Variants in PLCL1 observed in about 807,000 individuals in gnomAD.
PLCL1 encodes the protein inactive phospholipase C-like protein 1.
In PLCL1, 41 loss-of-function variants were observed where a neutral mutation model predicts 84.4. That is an observed-to-expected ratio of 0.49 (90% confidence interval 0.38 to 0.63). The LOEUF (loss-of-function observed/expected upper bound fraction) is 0.63, where lower values mean the gene tolerates loss of function less well. PLCL1 is among the 30% of genes least tolerant of loss of function. The probability of loss-of-function intolerance (pLI) is 0.00; values close to 1 mark genes in which losing one functional copy is unlikely to be tolerated. For missense variants in PLCL1, 1,206 were observed against 1,367.8 expected (o/e 0.88, Z 1.87); for synonymous variants, 490 against 488.3 (o/e 1.00, Z -0.05).
At chr2:198,094,505 TCC>T (rs34344108) in intron 3 of PLCL1, among the ~76,000 whole-genome samples, 1 of 133,868 alleles carries the variant, frequency 7.5e-6, no homozygotes, top group Admixed American at 7.4e-5. Flanking sequence ...AGGCACACTC[TCC>T]CCTGTCTTAG....
At chr2:197,890,326 G>A (rs546129300) in intron 1 of PLCL1, among the ~76,000 whole-genome samples, 208 of 152,234 alleles carry the variant, frequency 1.4e-3, no homozygotes, top group Middle Eastern at 6.8e-3. Context: ...AGGAACAGTT[G>A]TGAGAGCCAG....
At chr2:197,910,480 T>C (rs1242168273) in intron 1 of PLCL1, among the ~76,000 whole-genome samples, 1 of 152,238 alleles carries the variant, frequency 6.6e-6, no homozygotes, top group African/African-American at 2.4e-5. Flanking sequence ...CTCCTTTTCT[T>C]GCCCTTTCAG....
At chr2:197,830,780 G>A (rs142375250) in intron 1 of PLCL1, among the ~76,000 whole-genome samples, 358 of 152,198 alleles carry the variant, frequency 2.4e-3, no homozygotes, top group African/African-American at 7.9e-3. Flanking sequence ...GAGAAAGATC[G>A]GGTTACCCAC....
At chr2:197,841,998 G>A (rs1045806787) in intron 1 of PLCL1, among the ~76,000 whole-genome samples, 1 of 152,072 alleles carries the variant, frequency 6.6e-6, no homozygotes, top group Non-Finnish European at 1.5e-5. Context: ...TGCTCAGAAG[G>A]TTTTAGCCTA....
chr2:197,843,923 C>T (rs540969265), intron 1 of PLCL1, among the ~76,000 whole-genome samples: 12 of 152,104 alleles, frequency 7.9e-5, no homozygotes, highest in Non-Finnish European at 1.0e-4. Context: ...CCAGGCAGTG[C>T]GGCACCATAT....
intron 5 of PLCL1, among the ~76,000 whole-genome samples, chr2:198,114,372 A>G (rs947541035): frequency 6.6e-6 from 1 of 151,802 alleles, no homozygotes; most frequent in Non-Finnish European, 1.5e-5. Context: ...TTTCAGATGA[A>G]AGCTGCATTT....
At chr2:198,103,980 C>A in intron 5 of PLCL1, 44 bp downstream of exon 5, 1 of 878,042 alleles carries the variant, frequency 1.1e-6, no homozygotes, top group Non-Finnish European at 1.8e-6. Flanking sequence ...TACTTTTCTT[C>A]TCCTCATCTC....
At chr2:198,098,141 G>C (rs1226089845) in intron 3 of PLCL1, among the ~76,000 whole-genome samples, 1 of 152,106 alleles carries the variant, frequency 6.6e-6, no homozygotes, top group Non-Finnish European at 1.5e-5. Context: ...TGCTTAGAAG[G>C]AAAGTAAGAG....
intron 1 of PLCL1, among the ~76,000 whole-genome samples, chr2:197,887,823 G>A (rs1374402759): frequency 6.6e-6 from 1 of 152,064 alleles, no homozygotes; most frequent in African/African-American, 2.4e-5. Context: ...AATAAGATAG[G>A]GAAAAGGCCT....
At chr2:198,143,208 C>T (rs896086078) in intron 5 of PLCL1, among the ~76,000 whole-genome samples, 1 of 152,088 alleles carries the variant, frequency 6.6e-6, no homozygotes, top group African/African-American at 2.4e-5. Flanking sequence ...ACTGGATCAA[C>T]CTCAGATCAA....
chr2:198,121,875 T>C (rs1205835898), intron 5 of PLCL1, among the ~76,000 whole-genome samples: 1 of 152,004 alleles, frequency 6.6e-6, no homozygotes, highest in Non-Finnish European at 1.5e-5. Flanking sequence ...TCTTTATTTT[T>C]CTCCTCCTTC....
At chr2:197,994,831 CT>C (rs1465627670) in intron 1 of PLCL1, among the ~76,000 whole-genome samples, 1 of 152,162 alleles carries the variant, frequency 6.6e-6, no homozygotes, top group Middle Eastern at 3.2e-3. Flanking sequence ...GAATAAACCT[CT>C]AGCCATTTTC....
chr2:197,839,253 A>G (rs1247224417), intron 1 of PLCL1, among the ~76,000 whole-genome samples: 2 of 152,238 alleles, frequency 1.3e-5, no homozygotes, highest in Non-Finnish European at 2.9e-5. Context: ...ACCTTTAGAA[A>G]TAGTCTGGAA....
intron 5 of PLCL1, among the ~76,000 whole-genome samples, chr2:198,133,505 A>C (rs1694178975): frequency 6.6e-6 from 1 of 150,982 alleles, no homozygotes; most frequent in African/African-American, 2.4e-5. Context: ...GTGCACATGT[A>C]CCCTAAAACT....
chr2:198,025,167 A>G (rs531753072), intron 1 of PLCL1, among the ~76,000 whole-genome samples: 13 of 152,276 alleles, frequency 8.5e-5, no homozygotes, highest in African/African-American at 2.6e-4. Flanking sequence ...CATTTGGAGT[A>G]TTCATTCCTG....
At position 197,924,017 on chromosome 2, in the gene PLCL1, C is replaced by G. The variant is rs1042340810; in HGVS notation, c.240+118678C>G. Among the ~76,000 whole-genome samples the G allele has an allele frequency of 8.4e-4, 127 of 150,920 alleles. 1 individual carries two copies. The highest frequency in any genetic ancestry group is 1.4e-3 in the Non-Finnish European group (91 of 67,402). On this transcript the variant is annotated intron_variant, in intron 1 of 5. Transcript: ENST00000428675. ...CCAAGACCAGTCAGGCGTGGCGGCG[C>G]GTGCCTGCAATCGCAGGCACTCGGC...
At chr2:197,936,543 A>G (rs1689059037) in intron 1 of PLCL1, among the ~76,000 whole-genome samples, 1 of 152,062 alleles carries the variant, frequency 6.6e-6, no homozygotes, top group African/African-American at 2.4e-5. Context: ...GGCCATTTGT[A>G]TGTCTTTTGA....
intron 1 of PLCL1, among the ~76,000 whole-genome samples, chr2:198,022,545 C>G (rs1691162785): frequency 1.3e-5 from 2 of 152,128 alleles, no homozygotes; most frequent in African/African-American, 4.8e-5. Context: ...GTGACTTCAG[C>G]AAAGTCTCAG....
chr2:198,035,431 G>C (rs1282388303), intron 1 of PLCL1, among the ~76,000 whole-genome samples: 1 of 152,136 alleles, frequency 6.6e-6, no homozygotes, highest in Admixed American at 6.5e-5. Flanking sequence ...TCCTTGCTGG[G>C]GCAGGAAAAG....
Sources: allele counts gnomAD v4.1 joint callset (sites outside exome capture counted in the v4.1 genomes callset), GRCh38; gene constraint gnomAD v4.1.1; transcripts MANE v1.5; gene names NCBI Gene and HGNC (gene_info 2026-07-23, HGNC 2026-07-21).